The following BCAS2 variants were observed in gnomAD, a reference collection of about 807,000 sequenced individuals.
The protein encoded by BCAS2 is pre-mRNA-splicing factor SPF27.
In BCAS2, 34 loss-of-function variants were observed where a neutral mutation model predicts 35.3. The ratio of observed to expected loss-of-function variants is 0.96; its 90% CI spans 0.73 to 1.28. The LOEUF (loss-of-function observed/expected upper bound fraction) is 1.28. Among genes scored for constraint, BCAS2 ranks in the 50% most tolerant of loss-of-function variants. The pLI is 0.00. For synonymous variants in BCAS2, 75 were observed against 91.6 expected (o/e 0.82, Z 1.03); for missense variants, 221 against 268.1 (o/e 0.82, Z 1.23).
chr1:114,575,186 CTTTTT>C (rs71090790), intron 4 of BCAS2, among the ~76,000 whole-genome samples: 2 of 79,322 alleles, frequency 2.5e-5, no homozygotes, highest in African/African-American at 5.1e-5. Context: ...TTTTTCTTTT[CTTTTT>C]TTTTTTTTTT....
intron 6 of BCAS2, among the ~76,000 whole-genome samples, chr1:114,569,755 C>T (rs1654601879): frequency 6.6e-6 from 1 of 151,904 alleles, no homozygotes; most frequent in Non-Finnish European, 1.5e-5. Flanking sequence ...ATTCTAAGAC[C>T]AGAATCCTTT....
Position 114,576,719 on chromosome 1 carries a change from G to A in BCAS2, c.226C>T (p.Arg76Ter), listed in dbSNP as rs775083042. 12 of 1,610,352 alleles carry A rather than the reference G, an allele frequency of 7.5e-6. No homozygotes were observed. Among genetic ancestry groups the A allele is most frequent in the East Asian group, 2.2e-5 (1 of 44,836 alleles). The part of the protein sequence containing the change: ...MRNEFERLAA[R>*]QPIELLSMKR... ...ATACTGAGCAATTCAATTGGTTGTC[G>A]AGCAGCCAGTCTTTCAAATTCATTT... is the stretch of plus-strand genomic sequence containing the variant. Residue 76 changes from arginine (R) to a stop codon, truncating the protein, a stop_gained, in exon 3 of 7, where the codon CGA becomes TGA. Transcript: ENST00000369541. LOFTEE classifies it high-confidence loss of function.
chr1:114,576,138 C>A (rs1380719665), intron 3 of BCAS2, among the ~76,000 whole-genome samples: 3 of 151,874 alleles, frequency 2.0e-5, no homozygotes. Context: ...CTAACATACC[C>A]ATGCGCCGGT....
At chr1:114,571,078 G>C (rs1557930261) in intron 4 of BCAS2, among the ~76,000 whole-genome samples, 1 of 150,800 alleles carries the variant, frequency 6.6e-6, no homozygotes, top group Non-Finnish European at 1.5e-5. Context: ...TTTTTTTTGA[G>C]ACAGTCTCGT....
chr1:114,578,139 G>C (rs574735203), intron 2 of BCAS2, among the ~76,000 whole-genome samples: 205 of 152,134 alleles, frequency 1.3e-3, no homozygotes, highest in Non-Finnish European at 2.3e-3. Flanking sequence ...GCAGTGAGCT[G>C]AGATCACACC....
At chr1:114,571,980 A>T (rs1244650983) in intron 4 of BCAS2, among the ~76,000 whole-genome samples, 1 of 152,254 alleles carries the variant, frequency 6.6e-6, no homozygotes, top group Non-Finnish European at 1.5e-5. Flanking sequence ...AAGTAATGAA[A>T]CAGATTTTAA....
At chr1:114,580,542 A>C (rs1469456255) in intron 2 of BCAS2, among the ~76,000 whole-genome samples, 1 of 152,198 alleles carries the variant, frequency 6.6e-6, no homozygotes, top group Non-Finnish European at 1.5e-5. Context: ...TTACACATTT[A>C]TACATACTAT....
chr1:114,581,293 A>G lies in BCAS2; in HGVS notation c.186+6T>C. The G allele has an allele frequency of 1.2e-6, 2 of 1,613,838 alleles. No homozygotes were observed. The highest frequency in any genetic ancestry group is 1.7e-6 in the Non-Finnish European group (2 of 1,179,760). On this transcript the variant is annotated splice_donor_region_variant and intron_variant, in intron 2 of 6. Transcript: ENST00000369541. ...TCGTTCACACCTAGGCTCAAGACAT[A>G]CTTACTTCAAAGGCAGAATAATCCG... is the stretch of plus-strand genomic sequence containing the variant.
chr1:114,575,951 A>G (rs1306007544), intron 3 of BCAS2, among the ~76,000 whole-genome samples, 200 bp from the exon 4 acceptor site: 1 of 152,202 alleles, frequency 6.6e-6, no homozygotes, highest in Non-Finnish European at 1.5e-5. Context: ...GTTCACTTCA[A>G]TGTGAACTGG....
chr1:114,579,972 C>A (rs1654848844), intron 2 of BCAS2, among the ~76,000 whole-genome samples: 1 of 150,956 alleles, frequency 6.6e-6, no homozygotes, highest in South Asian at 2.1e-4. Context: ...CACTCTATTG[C>A]CAGGCTGGAG....
chr1:114,568,157 G>A lies in BCAS2; in HGVS notation c.651C>T (p.Asn217=). Residue 217 remains asparagine, a synonymous_variant, in exon 7 of 7, where the codon AAC becomes AAT. Transcript: ENST00000369541. ...YQIKQQHGEA[N]KENIRQDF ...AGAAGTCTTGCCGGATGTTTTCTTT[G>A]TTTGCCTCTCCATGTTGCTGCTTAA... is the stretch of plus-strand genomic sequence containing the variant. 6.2e-7 allele frequency: 1 copy of A among 1,612,850 alleles called. No homozygotes were observed. Among genetic ancestry groups the A allele is most frequent in the Non-Finnish European group, 8.5e-7 (1 of 1,179,882 alleles).
At chr1:114,577,402 C>T (rs1179822121) in intron 2 of BCAS2, among the ~76,000 whole-genome samples, 2 of 151,760 alleles carry the variant, frequency 1.3e-5, no homozygotes, top group South Asian at 2.1e-4. Context: ...GACGAAGTCT[C>T]GCTCTTGTCC....
intron 6 of BCAS2, 110 bp from the exon 7 acceptor site, chr1:114,568,366 C>CA: frequency 9.1e-7 from 1 of 1,094,198 alleles, no homozygotes. Context: ...CACTAACCTT[C>CA]ACTTTTTTTT....
At chr1:114,570,570 T>C (rs750825688) in intron 5 of BCAS2, 130 bp downstream of exon 5, 6 of 695,292 alleles carry the variant, frequency 8.6e-6, no homozygotes, top group African/African-American at 1.8e-5. Flanking sequence ...GTGTCAGATG[T>C]TGAACAAAGA....
At chr1:114,575,804 C>A (rs1654748471) in intron 3 of BCAS2, 53 bp from the exon 4 acceptor site, 11 of 1,569,318 alleles carry the variant, frequency 7.0e-6, no homozygotes, top group African/African-American at 1.4e-5. Context: ...CAAGCCTTTA[C>A]ATCTCTTCTC....
Position 114,568,181 on chromosome 1 carries a change from A to C in BCAS2, c.627T>G (p.Ile209Met). The C allele has an allele frequency of 6.2e-7, 1 of 1,613,814 alleles. No homozygotes were observed. Among genetic ancestry groups the C allele is most frequent in the Non-Finnish European group, 8.5e-7 (1 of 1,179,986 alleles). ...IVQLENEIYQ[I>M]KQQHGEANKE... Reference sequence around the variant, plus strand: ...TGTTTGCCTCTCCATGTTGCTGCTTAATTTGATAGATTTCATTTTCTAGCT... The same window carrying C: ...TGTTTGCCTCTCCATGTTGCTGCTTCATTTGATAGATTTCATTTTCTAGCT... The change falls in exon 7 of 7, where the codon ATT becomes ATG. Residue 209 changes from isoleucine to methionine, a missense_variant. Ile to Met is a conservative substitution (Grantham distance 10, BLOSUM62 1). Transcript: ENST00000369541.
At chr1:114,576,192 T>C (rs1654758053) in intron 3 of BCAS2, among the ~76,000 whole-genome samples, 1 of 150,390 alleles carries the variant, frequency 6.6e-6, no homozygotes. Context: ...TATTCTCTCT[T>C]CATACTACCC....
rs777806901 is a variant in BCAS2, at chr1:114,575,718, T to G, written c.291A>C (p.Lys97Asn). ...YELPAPSSGQ[K>N]NDITAWQECV... ...ATTCTTGCCATGCAGTAATGTCATT[T>G]TTTTGACCAGAGGAGGGGGCTGGAA... Residue 97 changes from lysine to asparagine, a missense_variant, in exon 4 of 7, where the codon AAA becomes AAC. Lys to Asn is a moderately conservative substitution (Grantham distance 94). Coordinates refer to ENST00000369541, the MANE Select transcript of BCAS2 (RefSeq NM_005872.3). 1.2e-6 allele frequency: 2 copies of G among 1,613,152 alleles called. No homozygotes were observed. The highest frequency in any genetic ancestry group is 2.2e-5 in the South Asian group (2 of 90,698).
rs1053165428 is a variant in BCAS2 at position 114,567,588 on chromosome 1, A to G, written c.*542T>C. On this transcript the variant is annotated 3_prime_UTR_variant, in exon 7 of 7. Transcript: ENST00000369541. ...TGAGGACCAAATAATTTTTATTCAC[A>G]TACATCTAGTTCATCTACCTAAAGT... is the stretch of plus-strand genomic sequence containing the variant. The G allele has an allele frequency of 6.6e-6, 1 of 152,266 alleles. No individual in the cohort carries two copies. Among genetic ancestry groups the G allele is most frequent in the Non-Finnish European group, 1.5e-5 (1 of 68,070 alleles). The allele number at this position is 152,266 out of a possible 1,614,324, so 9.4% of individuals were successfully genotyped here. A position where few individuals can be genotyped will look rare whatever the true frequency, so the allele number is the denominator to read the frequency against.
Sources: gnomAD v4.1 joint callset for allele counts (sites outside exome capture counted in the v4.1 genomes callset) on GRCh38, gnomAD v4.1.1 for gene constraint, MANE v1.5 for transcripts, NCBI Gene and HGNC (gene_info 2026-07-23, HGNC 2026-07-21) for gene names.